Variants in FER observed in about 807,000 individuals in gnomAD.
FER encodes the protein tyrosine-protein kinase Fer.
Under a neutral mutation model 111.0 loss-of-function variants are expected in FER, and 63 were observed. The ratio of observed to expected loss-of-function variants is 0.57; its 90% CI spans 0.46 to 0.70. FER has a LOEUF of 0.70. Ranked by LOEUF, FER falls within the 30% of genes least tolerant of loss-of-function variation. The pLI, the probability that FER is intolerant of heterozygous loss-of-function variation, is 0.00. For missense variants in FER, 914 were observed against 954.0 expected (o/e 0.96, Z 0.55); for synonymous variants, 327 against 313.9 (o/e 1.04, Z -0.44).
At chr5:108,893,127 C>T (rs1748426323) in intron 9 of FER, among the ~76,000 whole-genome samples, 1 of 152,066 alleles carries the variant, frequency 6.6e-6, no homozygotes, top group Non-Finnish European at 1.5e-5. Context: ...GTTCTTTTGG[C>T]TTAGGATTGA....
At chr5:108,811,696 A>G (rs1032278379) in intron 3 of FER, among the ~76,000 whole-genome samples, 2 of 152,190 alleles carry the variant, frequency 1.3e-5, no homozygotes, top group African/African-American at 4.8e-5. Flanking sequence ...AAGCTGGAGA[A>G]CTAGGAAAGA....
intron 16 of FER, chr5:109,051,880 T>A: frequency 1.3e-6 from 2 of 1,557,898 alleles, no homozygotes; most frequent in South Asian, 2.2e-5. Context: ...GTCCACCTGA[T>A]GTGGGCAGGG....
At chr5:109,025,368 T>C (rs1768556452) in intron 13 of FER, among the ~76,000 whole-genome samples, 1 of 152,212 alleles carries the variant, frequency 6.6e-6, no homozygotes, top group Admixed American at 6.5e-5. Flanking sequence ...AGGTATTTTA[T>C]TCTCTTTGGA....
intron 3 of FER, among the ~76,000 whole-genome samples, chr5:108,815,981 A>G (rs2150089410): frequency 6.6e-6 from 1 of 152,248 alleles, no homozygotes; most frequent in South Asian, 2.1e-4. Context: ...GGTTAATGAG[A>G]GGATCACCTG....
intron 8 of FER, among the ~76,000 whole-genome samples, chr5:108,881,980 C>T (rs1162189010): frequency 6.6e-6 from 1 of 152,020 alleles, no homozygotes; most frequent in Non-Finnish European, 1.5e-5. Context: ...ATGTATTCTG[C>T]TACATTTTGC....
intron 16 of FER, among the ~76,000 whole-genome samples, chr5:109,053,816 G>T (rs888781153): frequency 6.7e-6 from 1 of 149,214 alleles, no homozygotes; most frequent in African/African-American, 2.5e-5. Context: ...TCAGCCTCCC[G>T]AGTAGCTGGG....
chr5:108,984,400 A>G (rs986593378), intron 13 of FER, among the ~76,000 whole-genome samples: 1 of 152,148 alleles, frequency 6.6e-6, no homozygotes, highest in Non-Finnish European at 1.5e-5. Context: ...CAGTTATTAT[A>G]TATACAAGTT....
intron 5 of FER, among the ~76,000 whole-genome samples, chr5:108,866,263 G>C (rs985648670): frequency 6.6e-6 from 1 of 152,090 alleles, no homozygotes; most frequent in African/African-American, 2.4e-5. Context: ...CCATAAAAAA[G>C]GATGAGTTCA....
chr5:108,892,843 T>C (rs560137782), intron 9 of FER, among the ~76,000 whole-genome samples: 2 of 152,336 alleles, frequency 1.3e-5, no homozygotes, highest in Non-Finnish European at 2.9e-5. Context: ...TTAATTTCTG[T>C]ATAAGGTGTA....
intron 3 of FER, chr5:108,820,384 A>G (rs1758714815): frequency 2.0e-6 from 2 of 985,436 alleles, no homozygotes; most frequent in Non-Finnish European, 2.4e-6. Flanking sequence ...TTTACTTCTG[A>G]AGAATAAAGG....
intron 13 of FER, among the ~76,000 whole-genome samples, chr5:109,026,075 A>G (rs1312324354): frequency 6.6e-6 from 1 of 152,216 alleles, no homozygotes; most frequent in Non-Finnish European, 1.5e-5. Context: ...ATGTGTACAG[A>G]AAATTATACA....
intron 10 of FER, among the ~76,000 whole-genome samples, chr5:108,916,183 A>G (rs1251946473): frequency 1.3e-5 from 2 of 152,208 alleles, no homozygotes; most frequent in Non-Finnish European, 2.9e-5. Context: ...TCTTACCTAA[A>G]GGTGTCAAAA....
chr5:108,825,651 A>G (rs1250828821), intron 3 of FER, among the ~76,000 whole-genome samples: 1 of 152,208 alleles, frequency 6.6e-6, no homozygotes, highest in East Asian at 1.9e-4. Context: ...AAAGACAGGC[A>G]TAGGAAATCA....
intron 5 of FER, among the ~76,000 whole-genome samples, chr5:108,845,019 T>TTC (rs1761802577): frequency 3.9e-5 from 2 of 51,548 alleles, no homozygotes. Flanking sequence ...TATATATATA[T>TTC]ATATATATAT....
chr5:109,054,314 G>A (rs1773341915), intron 16 of FER, among the ~76,000 whole-genome samples: 1 of 152,170 alleles, frequency 6.6e-6, no homozygotes, highest in South Asian at 2.1e-4. Context: ...CTGGTTAGTT[G>A]TTAGCCTTTC....
intron 16 of FER, among the ~76,000 whole-genome samples, chr5:109,076,418 T>C (rs1384399645): frequency 6.6e-6 from 1 of 152,130 alleles, no homozygotes; most frequent in Non-Finnish European, 1.5e-5. Flanking sequence ...TATAGCATTC[T>C]GCTGTAATTT....
intron 5 of FER, chr5:108,842,418 A>G (rs941837982): frequency 2.0e-5 from 3 of 152,220 alleles, no homozygotes; most frequent in African/African-American, 7.2e-5. Flanking sequence ...TAATTAAACT[A>G]AAGAGCTTTT....
At chr5:108,924,360 C>CA (rs59469649) in intron 10 of FER, among the ~76,000 whole-genome samples, 10,097 of 98,654 alleles carry the variant, frequency 0.1, 474 homozygotes, top group South Asian at 0.13. Context: ...AACTCTGTCT[C>CA]AAAAAAAAAA....
chr5:108,810,334 G>T (rs542975152), intron 3 of FER, among the ~76,000 whole-genome samples: 4 of 152,354 alleles, frequency 2.6e-5, no homozygotes, highest in African/African-American at 4.8e-5. Flanking sequence ...GAAGCTCTCT[G>T]TTGCCTCAGG....
Sources: gnomAD v4.1 joint callset for allele counts (sites outside exome capture counted in the v4.1 genomes callset) on GRCh38, gnomAD v4.1.1 for gene constraint, MANE v1.5 for transcripts, NCBI Gene and HGNC (gene_info 2026-07-23, HGNC 2026-07-21) for gene names.